The following CEP43 variants were observed in gnomAD, a reference collection of about 807,000 sequenced individuals.
CEP43 encodes the protein centrosomal protein 43, also known as FGFR1 oncogene partner.
In CEP43, 36 loss-of-function variants were observed where a neutral mutation model predicts 52.6. The ratio of observed to expected loss-of-function variants is 0.68; its 90% confidence interval spans 0.52 to 0.90. The LOEUF is 0.90. Among genes scored for constraint, CEP43 ranks in the 40% least tolerant of loss-of-function variants. The probability of loss-of-function intolerance (pLI) is 0.00; values close to 1 mark genes in which losing one functional copy is unlikely to be tolerated. For missense variants in CEP43, 506 were observed against 472.8 expected (o/e 1.07, Z -0.65); for synonymous variants, 192 against 172.4 (o/e 1.11, Z -0.89).
chr6:167,009,499 C>CAAAA (rs139374939), intron 5 of CEP43, among the ~76,000 whole-genome samples: 30 of 44,148 alleles, frequency 6.8e-4, no homozygotes, highest in African/African-American at 3.0e-3. Context: ...GACTCTGTCT[C>CAAAA]AAAAAAAAAA....
At chr6:167,016,052 CAT>C (rs1215051656) in intron 7 of CEP43, among the ~76,000 whole-genome samples, 1 of 151,006 alleles carries the variant, frequency 6.6e-6, no homozygotes, top group Non-Finnish European at 1.5e-5. Context: ...TTGTACCAAA[CAT>C]CCTAATTGTT....
Position 167,045,651 on chromosome 6 carries a change from C to T in CEP43, c.*5673C>T, listed in dbSNP as rs181681666. The T allele has an allele frequency of 0.014, 2,161 of 152,290 alleles. 38 individuals carry two copies. Among genetic ancestry groups the T allele is most frequent in the East Asian group, 0.088 (449 of 5,102 alleles). The allele number at this position is 152,290 out of a possible 1,614,324, so 9.4% of individuals were successfully genotyped here. On this transcript the variant is annotated 3_prime_UTR_variant, in exon 13 of 13. Transcript: ENST00000366847. ...TCGGGAGGCTGAGGCAGGAGAATGG[C>T]GTGAACCCAGGAGGCGGAGCTTGCA...
chr6:167,000,447 C>G (rs1168337035), intron 2 of CEP43, among the ~76,000 whole-genome samples: 1 of 152,092 alleles, frequency 6.6e-6, no homozygotes, highest in East Asian at 1.9e-4. Flanking sequence ...GTTATTAATC[C>G]CTATGAAACG....
rs1562527268 is a variant in CEP43 at position 167,017,002 on chromosome 6, T to TATTTA, written c.579+3435_579+3436insATTTA. On this transcript the variant is annotated intron_variant, in intron 7 of 12. Transcript: ENST00000366847. The stretch of plus-strand genomic sequence containing the variant: ...TTATTATTTATTTATTTTTTTTTTT[T>TATTTA]TTTATTTTTTTGAGATGGAGTCTCT... Among the ~76,000 whole-genome samples the TATTTA allele has an allele frequency of 8.8e-4, 133 of 150,628 alleles. 1 individual carries two copies. Among genetic ancestry groups the TATTTA allele is most frequent in the Middle Eastern group, 3.4e-3 (1 of 292 alleles).
At chr6:167,029,117 A>G (rs948127051) in intron 10 of CEP43, among the ~76,000 whole-genome samples, 3 of 152,212 alleles carry the variant, frequency 2.0e-5, no homozygotes, top group African/African-American at 7.2e-5. Context: ...TGTAAAAGCC[A>G]TTCTTAGTTC....
chr6:167,013,302 G>T (rs1448749947), intron 6 of CEP43, among the ~76,000 whole-genome samples: 2 of 152,136 alleles, frequency 1.3e-5, no homozygotes, highest in Admixed American at 6.5e-5. Context: ...GTTTGACCTA[G>T]TAACTATTGG....
At chr6:167,016,977 T>G (rs978203746) in intron 7 of CEP43, among the ~76,000 whole-genome samples, 7 of 151,058 alleles carry the variant, frequency 4.6e-5, no homozygotes, top group African/African-American at 1.5e-4. Flanking sequence ...CAAATTTTAT[T>G]TATTATTTAT....
intron 3 of CEP43, 133 bp from the exon 4 acceptor site, chr6:167,003,590 A>G: frequency 1.7e-6 from 1 of 605,102 alleles, no homozygotes; most frequent in Non-Finnish European, 2.9e-6. Context: ...CATATTATTC[A>G]AAGAGGAAAT....
intron 7 of CEP43, among the ~76,000 whole-genome samples, chr6:167,017,447 T>C (rs1289914740): frequency 1.3e-5 from 2 of 152,208 alleles, no homozygotes; most frequent in Admixed American, 6.5e-5. Flanking sequence ...ACGAGGGACT[T>C]GAGCATCCTC....
At chr6:167,007,143 C>G (rs1670812950) in intron 5 of CEP43, among the ~76,000 whole-genome samples, 1 of 152,142 alleles carries the variant, frequency 6.6e-6, no homozygotes, top group Admixed American at 6.5e-5. Flanking sequence ...CACCCCGTAG[C>G]TTTGGTAACA....
At chr6:167,036,407 T>C in intron 12 of CEP43, 2 of 985,266 alleles carry the variant, frequency 2.0e-6, no homozygotes, top group Non-Finnish European at 2.4e-6. Context: ...TGACAGAGGA[T>C]GAACTAGGAG....
chr6:167,008,517 T>C (rs1779904948), intron 5 of CEP43, among the ~76,000 whole-genome samples: 1 of 152,022 alleles, frequency 6.6e-6, no homozygotes, highest in African/African-American at 2.4e-5. Flanking sequence ...CAGGCTGGAG[T>C]GCAGCGGCAA....
rs1554277242 is a variant in CEP43 at position 167,042,814 on chromosome 6, T to TTGTTTGTGTGTGTGTGTGTGTG, written c.*2839_*2840insTTGTGTGTGTGTGTGTGTGTGT. ...ATACTCTGAAATGGTCTTGCTTATTTTGTGTGTGTGTGTGTGTGTGTGTGT... is the reference window on the plus strand; with the variant it reads ...ATACTCTGAAATGGTCTTGCTTATTTTGTTTGTGTGTGTGTGTGTGTGTGTGTGTGTGTGTGTGTGTGTGTGT... On this transcript the variant is annotated 3_prime_UTR_variant, in exon 13 of 13. Coordinates refer to ENST00000366847, the MANE Select transcript of CEP43 (RefSeq NM_007045.4). 7.3e-6 allele frequency: 1 copy of TTGTTTGTGTGTGTGTGTGTGTG among 137,796 alleles called. No individual in the cohort carries two copies. The highest frequency in any genetic ancestry group is 2.7e-5 in the African/African-American group (1 of 37,350). 8.5% of individuals were successfully genotyped at this position (137,796 alleles called of 1,614,324 possible). A position where few individuals can be genotyped will look rare whatever the true frequency, so the allele number is the denominator to read the frequency against.
At chr6:167,021,870 G>A (rs1197454109) in intron 7 of CEP43, among the ~76,000 whole-genome samples, 1 of 152,194 alleles carries the variant, frequency 6.6e-6, no homozygotes, top group African/African-American at 2.4e-5. Flanking sequence ...TCACCTTGAT[G>A]CCTGTTGTGT....
At chr6:167,001,388 C>T (rs577432710) in intron 2 of CEP43, among the ~76,000 whole-genome samples, 4 of 152,338 alleles carry the variant, frequency 2.6e-5, no homozygotes, top group Admixed American at 6.5e-5. Context: ...TTTTCCTTTA[C>T]TCACATTCTG....
intron 12 of CEP43, among the ~76,000 whole-genome samples, chr6:167,037,092 C>T (rs547364827): frequency 2.6e-5 from 4 of 152,342 alleles, no homozygotes; most frequent in African/African-American, 9.6e-5. Flanking sequence ...AGGCGTGAGT[C>T]ACTGTACCCG....
intron 7 of CEP43, among the ~76,000 whole-genome samples, chr6:167,014,853 G>T (rs1174249519): frequency 6.6e-6 from 1 of 152,198 alleles, no homozygotes; most frequent in Admixed American, 6.5e-5. Context: ...TAATTGGAGA[G>T]ATGAGACATA....
chr6:167,041,898 A>C lies in CEP43; in HGVS notation c.*1920A>C. ...GAGTACAGTGATGCGATCTCGGCTC[A>C]CTGCAACCTCCGCCTCCTGGGTTCA... On this transcript the variant is annotated 3_prime_UTR_variant, in exon 13 of 13. Transcript: ENST00000366847. 1 of 731,788 alleles carries C rather than the reference A, an allele frequency of 1.4e-6. No homozygotes were observed. The highest frequency in any genetic ancestry group is 1.7e-6 in the Non-Finnish European group (1 of 591,358). 45.3% of individuals were successfully genotyped at this position (731,788 alleles called of 1,614,324 possible). A position where few individuals can be genotyped will look rare whatever the true frequency, so the allele number is the denominator to read the frequency against.
chr6:167,000,188 A>G, intron 2 of CEP43, 75 bp downstream of exon 2: 1 of 1,207,202 alleles, frequency 8.3e-7, no homozygotes, highest in Non-Finnish European at 1.2e-6. Context: ...ACCGTCTTAA[A>G]AATAGTTTAT....
Sources: allele counts gnomAD v4.1 joint callset (sites outside exome capture counted in the v4.1 genomes callset), GRCh38; gene constraint gnomAD v4.1.1; transcripts MANE v1.5; gene names NCBI Gene and HGNC (gene_info 2026-07-23, HGNC 2026-07-21).